SELENOO: variants seen among roughly 807,000 people sequenced by gnomAD.
SELENOO encodes the protein selenoprotein O.
A neutral mutation model predicts 58.7 loss-of-function variants in SELENOO; 74 were observed. The ratio of observed to expected loss-of-function variants is 1.26; its 90% CI spans 1.04 to 1.53. The LOEUF (loss-of-function observed/expected upper bound fraction) is 1.53. Ranked by LOEUF, SELENOO falls within the 40% of genes most tolerant of loss-of-function variation. The pLI, the probability that SELENOO is intolerant of heterozygous loss-of-function variation, is 0.00. For missense variants in SELENOO, 1,149 were observed against 970.0 expected (o/e 1.18, Z -2.45); for synonymous variants, 543 against 453.2 (o/e 1.20, Z -2.52).
chr22:50,215,579 T>C (rs1420455232), intron 5 of SELENOO, 138 bp from the exon 6 acceptor site: 26 of 447,908 alleles, frequency 5.8e-5, no homozygotes, highest in Non-Finnish European at 8.5e-5. Context: ...GTGCTGGCGG[T>C]GGGGGGCGGT....
rs745416088 is a variant in SELENOO, at chr22:50,201,499, G to C, written c.463G>C (p.Gly155Arg). Reference protein sequence around the residue: ...FGQFAGQLGDGAAMYLGEVCT... With the variant: ...FGQFAGQLGDRAAMYLGEVCT... ...CCAGTTCGCCGGGCAGCTGGGCGAC[G>C]GCGCCGCCATGTACCTGGGCGAGGT... Residue 155 changes from glycine (G) to arginine (R), a missense_variant, in exon 1 of 9, where the codon GGC (glycine) becomes CGC (arginine). Gly to Arg is a moderately radical substitution (Grantham distance 125). Transcript: ENST00000380903. 4 of 1,424,884 alleles carry C rather than the reference G, an allele frequency of 2.8e-6. No homozygotes were observed. The highest frequency in any genetic ancestry group is 1.8e-6 in the Non-Finnish European group (2 of 1,087,164). The allele number at this position is 1,424,884 out of a possible 1,614,324, so 88.3% of individuals were successfully genotyped here. A position where few individuals can be genotyped will look rare whatever the true frequency, so the allele number is the denominator to read the frequency against.
chr22:50,217,444 G>A lies in SELENOO; in HGVS notation c.*75G>A, dbSNP rs1164746282. 4 of 1,543,128 alleles carry A rather than the reference G, an allele frequency of 2.6e-6. No homozygotes were observed. Among genetic ancestry groups the A allele is most frequent in the Non-Finnish European group, 3.5e-6 (4 of 1,137,466 alleles). On this transcript the variant is annotated 3_prime_UTR_variant, in exon 9 of 9. Coordinates refer to ENST00000380903, the MANE Select transcript of SELENOO (RefSeq NM_031454.2). Reference sequence around the variant, plus strand: ...CTGCTGAGTGGCCAAGATGATGCCAGGCTGCCCTATACACTGGGGGATTCT... The same window carrying A: ...CTGCTGAGTGGCCAAGATGATGCCAAGCTGCCCTATACACTGGGGGATTCT...
chr22:50,204,601 A>G (rs2064320755), intron 1 of SELENOO, among the ~76,000 whole-genome samples: 1 of 147,722 alleles, frequency 6.8e-6, no homozygotes, highest in Admixed American at 6.8e-5. Flanking sequence ...TCCCTGGGTG[A>G]CAGAGTGAGA....
rs2064358397 is a variant in SELENOO, at chr22:50,210,188, GGCGCACGGC to G, written c.951_959del (p.Thr318_Arg320del). 6.2e-7 allele frequency: 1 copy of G among 1,613,020 alleles called. No individual in the cohort carries two copies. The highest frequency in any genetic ancestry group is 8.5e-7 in the Non-Finnish European group (1 of 1,179,754). ...CACACTGTCCCACCCCAGGTGACGCGGCGCACGGCGCGGATGGTGGCCGAGTGGCAGTGT... is the reference window on the plus strand; with the variant it reads ...CACACTGTCCCACCCCAGGTGACGCGGCGGATGGTGGCCGAGTGGCAGTGT... On this transcript the variant is annotated inframe_deletion, in exon 4 of 9. Transcript: ENST00000380903.
At chr22:50,201,934 C>T (rs1290833400) in intron 1 of SELENOO, among the ~76,000 whole-genome samples, 3 of 152,248 alleles carry the variant, frequency 2.0e-5, no homozygotes, top group Non-Finnish European at 1.5e-5. Flanking sequence ...CTTCGTCCAG[C>T]AGCCTCGCTC....
At chr22:50,201,847 G>T (rs1158729174) in intron 1 of SELENOO, among the ~76,000 whole-genome samples, 2 of 152,256 alleles carry the variant, frequency 1.3e-5, no homozygotes, top group Non-Finnish European at 2.9e-5. Flanking sequence ...GCGGGAGCCG[G>T]GATGAGAGGT....
rs1569098656 is a variant in SELENOO at position 50,201,237 on chromosome 22, C to G, written c.201C>G (p.Pro67=). 1 of 1,123,344 alleles carries G rather than the reference C, an allele frequency of 8.9e-7. No homozygotes were observed. The highest frequency in any genetic ancestry group is 4.3e-5 in the South Asian group (1 of 23,418). 69.6% of individuals were successfully genotyped at this position (1,123,344 alleles called of 1,614,324 possible). ...CCGTGGAGGCGCCGCCGCCCGGTCC[C>G]GAGGGCGCCCCGTCCGCGCCGCGGC... is the stretch of plus-strand genomic sequence containing the variant. ...ALPVEAPPPG[P]EGAPSAPRPV... is the part of the protein sequence containing the mutation. The change falls in exon 1 of 9, where the codon CCC becomes CCG. Residue 67 remains proline (P), a synonymous_variant. Transcript: ENST00000380903.
intron 1 of SELENOO, among the ~76,000 whole-genome samples, chr22:50,202,652 GAC>G (rs1388322691): frequency 6.6e-6 from 1 of 152,040 alleles, no homozygotes; most frequent in Non-Finnish European, 1.5e-5. Flanking sequence ...AAGTTAAAAA[GAC>G]AATTTTTTTT....
chr22:50,215,660 C>G, intron 5 of SELENOO, 57 bp from the exon 6 acceptor site: 1 of 1,461,060 alleles, frequency 6.8e-7, no homozygotes, highest in Non-Finnish European at 9.2e-7. Context: ...CTGTGTGGCA[C>G]CAGGACAGGG....
In SELENOO at chr22:50,217,601, C is replaced by G; in HGVS notation, c.*232C>G. 9.8e-7 allele frequency: 1 copy of G among 1,016,594 alleles called. No homozygotes were observed. The highest frequency in any genetic ancestry group is 1.4e-6 in the Non-Finnish European group (1 of 704,354). 63.0% of individuals were successfully genotyped at this position (1,016,594 alleles called of 1,614,324 possible). A position where few individuals can be genotyped will look rare whatever the true frequency, so the allele number is the denominator to read the frequency against. On this transcript the variant is annotated 3_prime_UTR_variant, in exon 9 of 9. Transcript: ENST00000380903. ...GGCTGGACCCAGGCTCCTAAATAAA[C>G]CAGCAACTCCCTCGAGTCTGTCTCT... is the stretch of plus-strand genomic sequence containing the variant.
Position 50,206,425 on chromosome 22 carries a change from G to T in SELENOO, c.663G>T (p.Thr221=), listed in dbSNP as rs373311684. Residue 221 remains threonine, a synonymous_variant, in exon 2 of 9, where the codon ACG becomes ACT. Coordinates refer to ENST00000380903, the MANE Select transcript of SELENOO (RefSeq NM_031454.2). ...VPTTRAGACV[T]SESTVVRDVF... ...CCACACGGGCCGGCGCCTGCGTCAC[G>T]TCCGAGTCCACGGTGGTGCGCGACG... The T allele has an allele frequency of 1.2e-6, 2 of 1,614,198 alleles. No individual in the cohort carries two copies.
chr22:50,210,129 G>A lies in SELENOO; in HGVS notation c.940-52G>A. On this transcript the variant is annotated intron_variant, in intron 3 of 8. Transcript: ENST00000380903. ...GGAGGGGAAGGATGGACACGAGTGG[G>A]GAGGTCTGGGCAGGACCCCGAGGAG... 5.0e-6 allele frequency: 8 copies of A among 1,584,966 alleles called. 1 individual carries two copies. The highest frequency in any genetic ancestry group is 6.9e-6 in the Non-Finnish European group (8 of 1,162,522).
chr22:50,206,236 C>G, intron 1 of SELENOO, 81 bp from the exon 2 acceptor site: 7 of 1,280,534 alleles, frequency 5.5e-6, no homozygotes, highest in Non-Finnish European at 7.9e-6. Flanking sequence ...CGCGTTCCCT[C>G]CTTTCCATGT....
rs1467783464 is a variant in SELENOO, at chr22:50,206,526, G to T, written c.758+6G>T. On this transcript the variant is annotated splice_donor_region_variant and intron_variant, in intron 2 of 8. Transcript: ENST00000380903. ...GTAGCTTCCACTTTCATAAGGTAAT[G>T]CCGGGGGCCTTTCGGCCTGTCTACA... is the stretch of plus-strand genomic sequence containing the variant. 1 of 1,610,952 alleles carries T rather than the reference G, an allele frequency of 6.2e-7. No homozygotes were observed. The highest frequency in any genetic ancestry group is 8.5e-7 in the Non-Finnish European group (1 of 1,178,204).
chr22:50,201,172 G>A lies in SELENOO; in HGVS notation c.136G>A (p.Ala46Thr), dbSNP rs1383236261. 5.6e-6 allele frequency: 7 copies of A among 1,239,046 alleles called. No homozygotes were observed. The highest frequency in any genetic ancestry group is 6.1e-6 in the Non-Finnish European group (6 of 990,556). The allele number at this position is 1,239,046 out of a possible 1,614,324, so 76.8% of individuals were successfully genotyped here. A position where few individuals can be genotyped will look rare whatever the true frequency, so the allele number is the denominator to read the frequency against. The change falls in exon 1 of 9, where the codon GCG becomes ACG. Residue 46 changes from alanine (A) to threonine (T), a missense_variant. Transcript: ENST00000380903. Reference protein sequence around the residue: ...AAMEPAPRWLAGLRFDNRALR... With the variant: ...AAMEPAPRWLTGLRFDNRALR... ...CATGGAGCCCGCGCCTCGCTGGCTG[G>A]CGGGGCTGCGCTTCGACAACCGCGC...
chr22:50,207,989 G>C (rs1324569702), intron 2 of SELENOO, among the ~76,000 whole-genome samples: 1 of 151,194 alleles, frequency 6.6e-6, no homozygotes, highest in African/African-American at 2.4e-5. Context: ...ACGTGCCCCA[G>C]ACTGTGCAGA....
chr22:50,201,676 C>G, intron 1 of SELENOO, 86 bp downstream of exon 1: 1 of 1,017,632 alleles, frequency 9.8e-7, no homozygotes, highest in Non-Finnish European at 1.3e-6. Context: ...TGGGGGCGTC[C>G]GGCGGCTACT....
intron 1 of SELENOO, among the ~76,000 whole-genome samples, chr22:50,205,064 G>C (rs1332858042): frequency 8.8e-5 from 7 of 79,442 alleles, no homozygotes; most frequent in East Asian, 3.2e-4. Flanking sequence ...AAGTAGAATG[G>C]TGGGTCCCAG....
intron 6 of SELENOO, 120 bp downstream of exon 6, chr22:50,215,987 C>T: frequency 1.2e-6 from 1 of 832,298 alleles, no homozygotes; most frequent in Non-Finnish European, 1.8e-6. Flanking sequence ...CTGCTCCGCT[C>T]CCAGGGACAG....
Sources: gnomAD v4.1 joint callset for allele counts (sites outside exome capture counted in the v4.1 genomes callset) on GRCh38, gnomAD v4.1.1 for gene constraint, MANE v1.5 for transcripts, NCBI Gene and HGNC (gene_info 2026-07-23, HGNC 2026-07-21) for gene names.